Variants in C9 observed in about 807,000 individuals in gnomAD.
C9 encodes the protein complement C9, also known as complement component C9.
A neutral mutation model predicts 65.4 loss-of-function variants in C9; 63 were observed. That is an observed-to-expected ratio of 0.96 (90% CI 0.79 to 1.19). The LOEUF (loss-of-function observed/expected upper bound fraction) is 1.19, where lower values mean the gene tolerates loss of function less well. Ranked by LOEUF, C9 falls within the 50% of genes most tolerant of loss-of-function variation. The pLI is 0.00. For synonymous variants in C9, 229 were observed against 227.9 expected, an observed-to-expected ratio of 1.00 and a Z score of -0.04; for missense variants, 744 against 670.1, an observed-to-expected ratio of 1.11 and a Z score of -1.22.
At chr5:39,316,967 C>G (rs540595290) in intron 5 of C9, among the ~76,000 whole-genome samples, 1 of 152,202 alleles carries the variant, frequency 6.6e-6, no homozygotes. Flanking sequence ...CCCACCAACA[C>G]TGTAAAAGCG....
At chr5:39,323,851 C>G (rs1280337148) in intron 5 of C9, among the ~76,000 whole-genome samples, 1 of 151,798 alleles carries the variant, frequency 6.6e-6, no homozygotes, top group East Asian at 1.9e-4. Flanking sequence ...GCATTTAACT[C>G]AGAAAGGAAG....
chr5:39,293,946 C>A (rs1025257725), intron 9 of C9, among the ~76,000 whole-genome samples: 1 of 151,752 alleles, frequency 6.6e-6, no homozygotes, highest in Non-Finnish European at 1.5e-5. Context: ...ACAATATGCT[C>A]CTGAATGACC....
intron 1 of C9, among the ~76,000 whole-genome samples, chr5:39,359,892 G>A (rs938666704): frequency 2.0e-5 from 3 of 152,188 alleles, no homozygotes; most frequent in South Asian, 2.1e-4. Flanking sequence ...TGGCTCATTC[G>A]ACAAAGTTGA....
At chr5:39,308,079 T>C (rs1753412007) in intron 8 of C9, 151 bp downstream of exon 8, 1 of 739,502 alleles carries the variant, frequency 1.4e-6, no homozygotes, top group Non-Finnish European at 2.4e-6. Context: ...GCGCTATCGG[T>C]GTTTATAGTG....
intron 9 of C9, among the ~76,000 whole-genome samples, chr5:39,295,048 G>A (rs963865626): frequency 5.3e-5 from 8 of 151,552 alleles, no homozygotes; most frequent in African/African-American, 1.9e-4. Flanking sequence ...ATTAGGTATA[G>A]AATAAAAGTA....
intron 5 of C9, among the ~76,000 whole-genome samples, chr5:39,317,622 T>C (rs546084694): frequency 1.4e-4 from 21 of 152,190 alleles, no homozygotes; most frequent in Non-Finnish European, 2.5e-4. Flanking sequence ...TTGCTTGTTT[T>C]GGTCAGAGTT....
intron 4 of C9, among the ~76,000 whole-genome samples, chr5:39,336,201 TTTTA>T (rs1308124357): frequency 2.4e-4 from 36 of 152,094 alleles, no homozygotes; most frequent in Non-Finnish European, 4.9e-4. Context: ...TTTTATTCCT[TTTTA>T]TTTATTTTTT....
chr5:39,357,503 T>C (rs1754430657), intron 1 of C9, among the ~76,000 whole-genome samples: 1 of 152,184 alleles, frequency 6.6e-6, no homozygotes, highest in Admixed American at 6.5e-5. Context: ...GTGGCTAAGG[T>C]TGCAAGACAG....
chr5:39,291,552 AAAC>A (rs1753098128), intron 9 of C9, among the ~76,000 whole-genome samples: 1 of 151,868 alleles, frequency 6.6e-6, no homozygotes, highest in Non-Finnish European at 1.5e-5. Flanking sequence ...ACCTGGTGAA[AAAC>A]AACAAGATAT....
At chr5:39,334,346 A>G (rs1429652855) in intron 4 of C9, among the ~76,000 whole-genome samples, 1,866 of 134,282 alleles carry the variant, frequency 0.014, 49 homozygotes, top group African/African-American at 0.053. Flanking sequence ...CGGCCGCCCC[A>G]TCTGAGAAGT....
In C9 at chr5:39,293,133, G is replaced by A. The variant is rs574797730; in HGVS notation, c.1417-4182C>T. ...TTCAACTGCAAAGATAAACAACTAGGAAGGAAAAAAGAAACAAAAGATATT... is the reference window on the plus strand; with the variant it reads ...TTCAACTGCAAAGATAAACAACTAGAAAGGAAAAAAGAAACAAAAGATATT... On this transcript the variant is annotated intron_variant, in intron 9 of 10. Transcript: ENST00000263408. Among the ~76,000 whole-genome samples, 27 of 151,612 alleles carry A rather than the reference G, an allele frequency of 1.8e-4. No individual in the cohort carries two copies. In the South Asian group the frequency reaches 5.4e-3, roughly 30 times the overall value.
At chr5:39,298,012 A>G (rs1212450035) in intron 9 of C9, among the ~76,000 whole-genome samples, 2 of 151,810 alleles carry the variant, frequency 1.3e-5, no homozygotes, top group African/African-American at 4.8e-5. Context: ...AATAAGTAAC[A>G]GAAAGCTATC....
At chr5:39,360,909 C>T (rs779475255) in intron 1 of C9, among the ~76,000 whole-genome samples, 2 of 152,072 alleles carry the variant, frequency 1.3e-5, no homozygotes, top group African/African-American at 2.4e-5. Flanking sequence ...TCTTTTGACT[C>T]AGATCACTCT....
At chr5:39,287,468 T>C (rs1753011663) in intron 10 of C9, among the ~76,000 whole-genome samples, 1 of 152,040 alleles carries the variant, frequency 6.6e-6, no homozygotes. Flanking sequence ...AATCTTTATA[T>C]GAAAAAGATG....
Position 39,342,139 on chromosome 5 carries a change from CATTCTGCAGTCTA to C in C9, c.122_134del (p.Ile41ArgfsTer69), listed in dbSNP as rs759648259. 1.1e-5 allele frequency: 18 copies of C among 1,611,150 alleles called. No individual in the cohort carries two copies. In the Admixed American group the frequency reaches 2.7e-4, roughly 24 times the overall value. ...ATTGTGACCATTCACTCCAGGGGCT[CATTCTGCAGTCTA>C]TGTGTGATGCAGAGCCACTGCTTTC... On this transcript the variant is annotated frameshift_variant, in exon 2 of 11. Coordinates refer to ENST00000263408, the MANE Select transcript of C9 (RefSeq NM_001737.5). LOFTEE classifies it high-confidence loss of function.
At chr5:39,326,567 A>T (rs1753750491) in intron 5 of C9, among the ~76,000 whole-genome samples, 1 of 152,170 alleles carries the variant, frequency 6.6e-6, no homozygotes. Context: ...TATGCTCAGG[A>T]CTATGCTCAG....
At chr5:39,338,662 G>T (rs1561349223) in intron 4 of C9, among the ~76,000 whole-genome samples, 1 of 152,170 alleles carries the variant, frequency 6.6e-6, no homozygotes, top group Non-Finnish European at 1.5e-5. Context: ...ATTCTATCAA[G>T]ACCTACTTCA....
intron 1 of C9, among the ~76,000 whole-genome samples, chr5:39,356,370 T>C (rs886240217): frequency 3.3e-5 from 5 of 152,142 alleles, no homozygotes; most frequent in Non-Finnish European, 5.9e-5. Flanking sequence ...ATAAGCTGAG[T>C]GGTCATAGCA....
intron 5 of C9, among the ~76,000 whole-genome samples, chr5:39,321,474 T>C (rs948633069): frequency 1.3e-5 from 2 of 151,854 alleles, no homozygotes; most frequent in African/African-American, 4.8e-5. Flanking sequence ...GAAAATTATC[T>C]AATCACAAAG....
Sources: gnomAD v4.1 joint callset for allele counts (sites outside exome capture counted in the v4.1 genomes callset) on GRCh38, gnomAD v4.1.1 for gene constraint, MANE v1.5 for transcripts, NCBI Gene and HGNC (gene_info 2026-07-23, HGNC 2026-07-21) for gene names.